DISC1: variants seen among roughly 807,000 people sequenced by gnomAD.
The protein encoded by DISC1 is disrupted in schizophrenia 1 protein.
A neutral mutation model predicts 84.5 loss-of-function variants in DISC1; 57 were observed. The ratio of observed to expected loss-of-function variants is 0.67; its 90% CI spans 0.55 to 0.84. The LOEUF (loss-of-function observed/expected upper bound fraction) is 0.84. DISC1 is among the 40% of genes least tolerant of loss of function. DISC1 has a pLI of 0.00. For missense variants in DISC1, 1,000 were observed against 1,057.8 expected (o/e 0.95, Z 0.76); for synonymous variants, 411 against 415.2 (o/e 0.99, Z 0.12).
chr1:231,761,554 T>C (rs999869138), intron 4 of DISC1, among the ~76,000 whole-genome samples: 34 of 152,156 alleles, frequency 2.2e-4, no homozygotes, highest in African/African-American at 8.2e-4. Context: ...GATTTTCTTA[T>C]GGATTAAGTA....
chr1:231,967,147 C>T (rs952110469), intron 10 of DISC1, among the ~76,000 whole-genome samples: 7 of 152,198 alleles, frequency 4.6e-5, no homozygotes, highest in African/African-American at 1.7e-4. Context: ...CAGGTGAACT[C>T]ACCCTGCTAA....
chr1:231,756,516 CGAGAGAGAGA>C (rs60818301), intron 4 of DISC1, among the ~76,000 whole-genome samples: 2,557 of 133,474 alleles, frequency 0.019, 27 homozygotes, highest in Middle Eastern at 0.058. Flanking sequence ...ATGTGAATAT[CGAGAGAGAGA>C]GAGAGAGAGA....
intron 9 of DISC1, among the ~76,000 whole-genome samples, chr1:231,910,344 A>G (rs902381128): frequency 2.0e-5 from 3 of 152,106 alleles, no homozygotes; most frequent in Admixed American, 2.0e-4. Context: ...ACACTGCTTT[A>G]AATGTGTCCC....
intron 8 of DISC1, among the ~76,000 whole-genome samples, chr1:231,804,967 G>C (rs200496614): frequency 2.6e-5 from 4 of 152,138 alleles, no homozygotes; most frequent in African/African-American, 4.8e-5. Flanking sequence ...GAATTAACTA[G>C]GATGTTAGAA....
chr1:231,764,249 A>G (rs1178012581), intron 4 of DISC1, among the ~76,000 whole-genome samples: 2 of 152,240 alleles, frequency 1.3e-5, no homozygotes, highest in African/African-American at 2.4e-5. Context: ...AGCTTTATTT[A>G]AAACACAGAC....
rs35286886 is a variant in DISC1, at chr1:231,849,122, A to ATTTT, written c.1981+30617_1981+30620dup. Among the ~76,000 whole-genome samples the ATTTT allele has an allele frequency of 9.5e-4, 135 of 141,500 alleles. 1 individual carries two copies. The highest frequency in any genetic ancestry group is 3.7e-3 in the Middle Eastern group (1 of 272). The allele number at this position is 141,500 out of a possible 152,430, so 92.8% of individuals were successfully genotyped here. A position where few individuals can be genotyped will look rare whatever the true frequency, so the allele number is the denominator to read the frequency against. On this transcript the variant is annotated intron_variant, in intron 9 of 12. Transcript: ENST00000439617. ...CCTGCAAGGTGGAATTATTATCCTC[A>ATTTT]TTTTTTTTTTTTTTTGAGACAGAAT...
chr1:231,725,444 C>T (rs2070510263), intron 3 of DISC1, among the ~76,000 whole-genome samples: 1 of 152,214 alleles, frequency 6.6e-6, no homozygotes, highest in Admixed American at 6.5e-5. Context: ...GCCATGGCAA[C>T]TACCGGAAGT....
chr1:231,792,333 C>A (rs1227392613), intron 6 of DISC1, among the ~76,000 whole-genome samples: 4 of 152,092 alleles, frequency 2.6e-5, no homozygotes, highest in Non-Finnish European at 4.4e-5. Context: ...ACTGTGTCAA[C>A]CCCTGGAAAG....
chr1:231,699,348 G>A (rs565497652), intron 2 of DISC1, among the ~76,000 whole-genome samples: 1 of 152,176 alleles, frequency 6.6e-6, no homozygotes, highest in Admixed American at 6.5e-5. Flanking sequence ...TGAATGATGT[G>A]CACAGATAAA....
At chr1:231,906,371 T>C (rs2088641857) in intron 9 of DISC1, among the ~76,000 whole-genome samples, 1 of 152,198 alleles carries the variant, frequency 6.6e-6, no homozygotes. Context: ...GTAAGTACAA[T>C]GCCTGATATT....
Position 232,038,612 on chromosome 1 carries a change from A to T in DISC1, c.*1781A>T, listed in dbSNP as rs1670659126. Reference sequence around the variant, plus strand: ...CATGTAACTCCTATTCATATCCCATAGATCTAGTATTGTACAGCACTGCAT... The same window carrying T: ...CATGTAACTCCTATTCATATCCCATTGATCTAGTATTGTACAGCACTGCAT... On this transcript the variant is annotated 3_prime_UTR_variant, in exon 13 of 13. Coordinates refer to ENST00000439617, the MANE Select transcript of DISC1 (RefSeq NM_018662.3). 1.3e-5 allele frequency: 2 copies of T among 152,122 alleles called. No homozygotes were observed. The highest frequency in any genetic ancestry group is 2.9e-5 in the Non-Finnish European group (2 of 68,022). 9.4% of individuals were successfully genotyped at this position (152,122 alleles called of 1,614,324 possible).
chr1:231,883,340 C>A lies in DISC1; in HGVS notation c.1981+64823C>A, dbSNP rs74144170. ...AAAAACCCAACCCTCCCCCCAGCAA[C>A]CCCTTGCCGTCGGGAGCTCACATTC... On this transcript the variant is annotated intron_variant, in intron 9 of 12. Transcript: ENST00000439617. Among the ~76,000 whole-genome samples, 952 of 152,288 alleles carry A rather than the reference C, an allele frequency of 6.3e-3. 5 individuals carry two copies. The highest frequency in any genetic ancestry group is 0.022 in the African/African-American group (896 of 41,556).
At chr1:231,795,325 A>C (rs560477919) in intron 7 of DISC1, 29 bp downstream of exon 7, 1 of 1,598,570 alleles carries the variant, frequency 6.3e-7, no homozygotes, top group South Asian at 1.1e-5. Context: ...CCATTTTCCA[A>C]AGAAGCCTAT....
intron 8 of DISC1, among the ~76,000 whole-genome samples, chr1:231,805,152 T>C (rs2079603275): frequency 6.6e-6 from 1 of 152,216 alleles, no homozygotes; most frequent in Non-Finnish European, 1.5e-5. Flanking sequence ...TGTACACACC[T>C]TAAGTGTGTT....
chr1:231,901,317 C>T (rs188041861), intron 9 of DISC1, among the ~76,000 whole-genome samples: 17 of 152,234 alleles, frequency 1.1e-4, no homozygotes, highest in South Asian at 2.1e-4. Flanking sequence ...TATTTAGAAA[C>T]GAAAATTGAG....
chr1:231,960,483 C>T lies in DISC1; in HGVS notation c.2042+1595C>T, dbSNP rs377643249. ...AGTCAGGCTGGTCACAAACTCCTGA[C>T]CTCCGGTGATCCACGGCCTTGGCCT... On this transcript the variant is annotated intron_variant, in intron 10 of 12. Transcript: ENST00000439617. Among the ~76,000 whole-genome samples the T allele has an allele frequency of 4.6e-5, 7 of 152,150 alleles. No individual in the cohort carries two copies. In the East Asian group the frequency reaches 1.3e-3, roughly 29 times the overall value.
At chr1:231,899,876 CT>C (rs1019507570) in intron 9 of DISC1, among the ~76,000 whole-genome samples, 1 of 152,134 alleles carries the variant, frequency 6.6e-6, no homozygotes, top group African/African-American at 2.4e-5. Flanking sequence ...TTTTATACCC[CT>C]CTCTACTCCC....
chr1:231,971,333 G>C (rs12060283), intron 10 of DISC1, among the ~76,000 whole-genome samples: 23,283 of 152,064 alleles, frequency 0.15, 3,578 homozygotes, highest in African/African-American at 0.39. Context: ...TGCTAACATG[G>C]TATGAACCTG....
At chr1:231,951,237 A>G (rs536132911) in intron 9 of DISC1, among the ~76,000 whole-genome samples, 144 of 152,330 alleles carry the variant, frequency 9.5e-4, no homozygotes, top group African/African-American at 3.2e-3. Flanking sequence ...TTACTTCCAC[A>G]TTCAAATGTG....
Sources: allele counts gnomAD v4.1 joint callset (sites outside exome capture counted in the v4.1 genomes callset), GRCh38; gene constraint gnomAD v4.1.1; transcripts MANE v1.5; gene names NCBI Gene and HGNC (gene_info 2026-07-23, HGNC 2026-07-21).